Variants in CTNNA2 observed in about 807,000 individuals in gnomAD.
The protein encoded by CTNNA2 is catenin alpha 2.
In CTNNA2, 42 loss-of-function variants were observed where a neutral mutation model predicts 101.0. The ratio of observed to expected loss-of-function variants is 0.42; its 90% CI spans 0.32 to 0.54. The LOEUF is 0.54. Ranked by LOEUF, CTNNA2 falls within the 20% of genes least tolerant of loss-of-function variation. CTNNA2 has a pLI of 0.14. For missense variants in CTNNA2, 871 were observed against 1,223.1 expected, an observed-to-expected ratio of 0.71 and a Z score of 4.29; for synonymous variants, 450 against 456.4, an observed-to-expected ratio of 0.99 and a Z score of 0.18.
chr2:79,207,422 A>G (rs77673608), intron 2 of CTNNA2, among the ~76,000 whole-genome samples: 1,525 of 152,312 alleles, frequency 0.01, 21 homozygotes, highest in Middle Eastern at 0.041. Context: ...ACCTTCAAGT[A>G]ATGACAAGAA....
chr2:79,692,552 C>A (rs1156773120), intron 2 of CTNNA2, among the ~76,000 whole-genome samples: 1 of 152,040 alleles, frequency 6.6e-6, no homozygotes, highest in Non-Finnish European at 1.5e-5. Flanking sequence ...ATAAATCATG[C>A]TACCATAAAG....
intron 7 of CTNNA2, among the ~76,000 whole-genome samples, chr2:80,232,972 C>A (rs1666217253): frequency 6.6e-6 from 1 of 152,148 alleles, no homozygotes; most frequent in South Asian, 2.1e-4. Context: ...ATTTCACTTG[C>A]TGGTTAAGTG....
intron 1 of CTNNA2, among the ~76,000 whole-genome samples, chr2:79,584,952 A>T (rs934291479): frequency 6.6e-6 from 1 of 152,230 alleles, no homozygotes; most frequent in East Asian, 1.9e-4. Flanking sequence ...TATGGGGTTT[A>T]TATGAATTAA....
chr2:79,829,445 C>T (rs1470717586), intron 3 of CTNNA2, among the ~76,000 whole-genome samples: 1 of 149,574 alleles, frequency 6.7e-6, no homozygotes, highest in Admixed American at 6.7e-5. Flanking sequence ...TGGCGGGCGC[C>T]TGTAGTCCCA....
chr2:79,216,450 A>G (rs969485708), intron 2 of CTNNA2, among the ~76,000 whole-genome samples: 1 of 151,840 alleles, frequency 6.6e-6, no homozygotes, highest in African/African-American at 2.4e-5. Context: ...GAGCATGGAA[A>G]TAAGGGATCA....
chr2:79,187,245 C>A (rs1442141683), intron 1 of CTNNA2, among the ~76,000 whole-genome samples: 1 of 105,824 alleles, frequency 9.4e-6, no homozygotes, highest in Non-Finnish European at 1.8e-5. Context: ...TTTTTCTTTT[C>A]TTTTCTTTTC....
At chr2:79,905,953 C>T (rs182737588) in intron 6 of CTNNA2, among the ~76,000 whole-genome samples, 7 of 152,040 alleles carry the variant, frequency 4.6e-5, no homozygotes, top group African/African-American at 1.4e-4. Context: ...ATAGATACAG[C>T]CTTTTCCTCT....
intron 3 of CTNNA2, among the ~76,000 whole-genome samples, chr2:79,369,396 T>C (rs146496060): frequency 0.011 from 1,683 of 152,270 alleles, 13 homozygotes; most frequent in Non-Finnish European, 0.017. Context: ...TCCCAGTGTC[T>C]GAGTTTGTGA....
At chr2:80,456,891 G>A (rs963898637) in intron 9 of CTNNA2, among the ~76,000 whole-genome samples, 11 of 152,170 alleles carry the variant, frequency 7.2e-5, no homozygotes, top group African/African-American at 1.9e-4. Context: ...AATACAGTTA[G>A]GTAGAAGGAA....
chr2:79,950,786 T>C (rs1688826102), intron 7 of CTNNA2, among the ~76,000 whole-genome samples: 1 of 152,220 alleles, frequency 6.6e-6, no homozygotes, highest in Non-Finnish European at 1.5e-5. Flanking sequence ...GCACATATAA[T>C]GGCATTGAGT....
chr2:80,051,587 A>G (rs953684927), intron 7 of CTNNA2, among the ~76,000 whole-genome samples: 1 of 152,204 alleles, frequency 6.6e-6, no homozygotes, highest in African/African-American at 2.4e-5. Flanking sequence ...CAAGGGAATA[A>G]CAGGCTGGAT....
chr2:80,561,558 T>C (rs895918181), intron 12 of CTNNA2, among the ~76,000 whole-genome samples: 29 of 152,228 alleles, frequency 1.9e-4, no homozygotes, highest in African/African-American at 7.0e-4. Context: ...AGATGGATTC[T>C]GCACATACAG....
intron 3 of CTNNA2, among the ~76,000 whole-genome samples, chr2:79,809,365 A>C (rs1676828782): frequency 1.3e-5 from 2 of 152,214 alleles, no homozygotes; most frequent in African/African-American, 4.8e-5. Context: ...GAATCGCCAC[A>C]TTGTCTTCCA....
At chr2:80,632,177 T>C (rs1368510797) in intron 18 of CTNNA2, among the ~76,000 whole-genome samples, 2 of 151,954 alleles carry the variant, frequency 1.3e-5, no homozygotes, top group Non-Finnish European at 2.9e-5. Flanking sequence ...GTTCTAGCCT[T>C]AGTGGAGAAC....
intron 9 of CTNNA2, among the ~76,000 whole-genome samples, chr2:80,536,929 T>C (rs1267089707): frequency 6.6e-6 from 1 of 152,240 alleles, no homozygotes; most frequent in Non-Finnish European, 1.5e-5. Context: ...CATTTTACTT[T>C]AACTTCTGGG....
chr2:79,253,130 G>C (rs1458412856), intron 2 of CTNNA2, among the ~76,000 whole-genome samples: 1 of 152,118 alleles, frequency 6.6e-6, no homozygotes, highest in Non-Finnish European at 1.5e-5. Context: ...TGTGAACAAA[G>C]GTGGCTAGTC....
chr2:79,813,859 A>G (rs928622044), intron 3 of CTNNA2, among the ~76,000 whole-genome samples: 1 of 152,170 alleles, frequency 6.6e-6, no homozygotes, highest in East Asian at 1.9e-4. Context: ...CAACAGAAAT[A>G]TATTGTTTTG....
At chr2:80,129,200 A>G (rs1363387394) in intron 7 of CTNNA2, among the ~76,000 whole-genome samples, 2 of 152,160 alleles carry the variant, frequency 1.3e-5, no homozygotes, top group Non-Finnish European at 2.9e-5. Flanking sequence ...AGAAAGAAGG[A>G]TTATATAGGA....
intron 1 of CTNNA2, among the ~76,000 whole-genome samples, chr2:79,602,442 C>T (rs1335988042): frequency 1.3e-5 from 2 of 152,036 alleles, no homozygotes; most frequent in African/African-American, 4.8e-5. Flanking sequence ...GGAATCTTTT[C>T]TTTAAAATCA....
Sources: allele counts gnomAD v4.1 joint callset (sites outside exome capture counted in the v4.1 genomes callset), GRCh38; gene constraint gnomAD v4.1.1; transcripts MANE v1.5; gene names NCBI Gene and HGNC (gene_info 2026-07-23, HGNC 2026-07-21).